The following KCNC1 variants were observed in gnomAD, a reference collection of about 807,000 sequenced individuals.
KCNC1 encodes potassium voltage-gated channel subfamily C member 1.
Under a neutral mutation model 43.4 loss-of-function variants are expected in KCNC1, and 8 were observed. That is an observed-to-expected ratio of 0.18 (90% CI 0.11 to 0.33). The LOEUF (loss-of-function observed/expected upper bound fraction) is 0.33. Ranked by LOEUF, KCNC1 falls within the 10% of genes least tolerant of loss-of-function variation. KCNC1 has a pLI of 1.00. For missense variants in KCNC1, 420 were observed against 836.0 expected (o/e 0.50, Z 6.14); for synonymous variants, 361 against 360.5 (o/e 1.00, Z -0.01).
Position 17,773,080 on chromosome 11 carries a change from G to T in KCNC1, c.1504+482G>T, listed in dbSNP as rs1565163098. ...TGGCAGAGATGGTGCATGGGATCTG[G>T]GCAGGAGGGTCCCTTGCAAAGGCAG... On this transcript the variant is annotated intron_variant, in intron 2 of 3. Transcript: ENST00000265969. This position sits in a 1 kb window ranked among gnomAD's most constrained non-coding sequence, Gnocchi z 4.1. 4.0e-6 allele frequency: 4 copies of T among 997,110 alleles called. No individual in the cohort carries two copies. The highest frequency in any genetic ancestry group is 4.8e-6 in the Non-Finnish European group (4 of 837,860). 61.8% of individuals were successfully genotyped at this position (997,110 alleles called of 1,614,324 possible).
At position 17,776,443 on chromosome 11, in the gene KCNC1, T is replaced by C. The variant is rs916391771; in HGVS notation, c.1505-3013T>C. 2.1e-5 allele frequency: 21 copies of C among 985,420 alleles called. No homozygotes were observed. The highest frequency in any genetic ancestry group is 2.4e-5 in the Non-Finnish European group (20 of 829,936). 61.0% of individuals were successfully genotyped at this position (985,420 alleles called of 1,614,324 possible). A position where few individuals can be genotyped will look rare whatever the true frequency, so the allele number is the denominator to read the frequency against. Reference sequence around the variant, plus strand: ...CGCAGCTGGTGTGAACAGTAAGTACTTTGGCGGTGCCTGGAGACCAGGGCA... The same window carrying C: ...CGCAGCTGGTGTGAACAGTAAGTACCTTGGCGGTGCCTGGAGACCAGGGCA... On this transcript the variant is annotated intron_variant, in intron 2 of 3. Coordinates refer to ENST00000265969, the MANE Select transcript of KCNC1 (RefSeq NM_001112741.2). This position sits in a 1 kb window ranked among gnomAD's most constrained non-coding sequence, Gnocchi z 4.4.
At chr11:17,746,558 C>G (rs1848902315) in intron 1 of KCNC1, among the ~76,000 whole-genome samples, 1 of 152,100 alleles carries the variant, frequency 6.6e-6, no homozygotes, top group African/African-American at 2.4e-5. Context: ...CTGTCCCCTC[C>G]TTGTCCCCTT....
At chr11:17,762,665 G>C (rs1438378088) in intron 1 of KCNC1, among the ~76,000 whole-genome samples, 1 of 152,210 alleles carries the variant, frequency 6.6e-6, no homozygotes, top group Non-Finnish European at 1.5e-5. Flanking sequence ...GGGGCCTGGA[G>C]GGCTGGAGGG....
intron 1 of KCNC1, among the ~76,000 whole-genome samples, chr11:17,756,960 A>T (rs564488368): frequency 6.6e-6 from 1 of 152,232 alleles, no homozygotes; most frequent in East Asian, 1.9e-4. Flanking sequence ...AACACTTTCC[A>T]GCTATGTGGG....
intron 1 of KCNC1, among the ~76,000 whole-genome samples, chr11:17,748,504 A>G (rs1187065427): frequency 6.6e-6 from 1 of 152,202 alleles, no homozygotes; most frequent in Non-Finnish European, 1.5e-5. Context: ...GCAATGTCCA[A>G]TATTTGAGAG....
chr11:17,748,657 C>A (rs1382486966), intron 1 of KCNC1, among the ~76,000 whole-genome samples: 2 of 152,086 alleles, frequency 1.3e-5, no homozygotes, highest in African/African-American at 2.4e-5. Flanking sequence ...AAGAAAGAGT[C>A]GAGCTACCCA....
At chr11:17,764,609 C>T (rs1220974112) in intron 1 of KCNC1, among the ~76,000 whole-genome samples, 2 of 152,214 alleles carry the variant, frequency 1.3e-5, no homozygotes, top group Non-Finnish European at 2.9e-5. Flanking sequence ...TCTGCTCACA[C>T]CCTCCACGGA....
intron 1 of KCNC1, among the ~76,000 whole-genome samples, chr11:17,744,947 G>C (rs1191842744): frequency 6.6e-5 from 10 of 152,086 alleles, no homozygotes; most frequent in Non-Finnish European, 1.3e-4. Context: ...GCTGAGTGAG[G>C]GTACATCGCT....
chr11:17,744,730 G>T (rs1156833686), intron 1 of KCNC1, among the ~76,000 whole-genome samples: 1 of 152,124 alleles, frequency 6.6e-6, no homozygotes, highest in Non-Finnish European at 1.5e-5. Context: ...CAGGGGATGG[G>T]TGCTGTGCTG....
chr11:17,773,811 T>C lies in KCNC1; in HGVS notation c.1504+1213T>C. On this transcript the variant is annotated intron_variant, in intron 2 of 3. Coordinates refer to ENST00000265969, the MANE Select transcript of KCNC1 (RefSeq NM_001112741.2). The surrounding 1 kb of genome is among the most constrained non-coding windows in gnomAD (Gnocchi z 4.1). ...ATGACCCAGAGAAGAATGACAGCAC[T>C]GAGTAAGAAGGAGTGCCAGGTGAGC... 2 of 985,506 alleles carry C rather than the reference T, an allele frequency of 2.0e-6. No homozygotes were observed. Among genetic ancestry groups the C allele is most frequent in the Non-Finnish European group, 2.4e-6 (2 of 829,970 alleles). 61.0% of individuals were successfully genotyped at this position (985,506 alleles called of 1,614,324 possible).
At chr11:17,775,097 C>T in intron 2 of KCNC1, 1 of 985,560 alleles carries the variant, frequency 1.0e-6, no homozygotes, top group Non-Finnish European at 1.2e-6. Context: ...AGGCCAGGGG[C>T]AAGGAAGGTA....
Position 17,772,153 on chromosome 11 carries a change from C to T in KCNC1, c.1059C>T (p.Ala353=), listed in dbSNP as rs370151071. The T allele has an allele frequency of 2.5e-6, 4 of 1,614,152 alleles. No homozygotes were observed. Among genetic ancestry groups the T allele is most frequent in the Non-Finnish European group, 3.4e-6 (4 of 1,180,030 alleles). Residue 353 remains alanine (A), a synonymous_variant, in exon 2 of 4, where the codon GCC becomes GCT. Transcript: ENST00000265969. ...TCCTGCTGCTCATCATCTTCCTGGC[C>T]TTGGGCGTGCTGATCTTCGCCACCA... ...NEFLLLIIFL[A]LGVLIFATMI... is the part of the protein sequence containing the mutation.
At chr11:17,743,726 C>T (rs1402964595) in intron 1 of KCNC1, among the ~76,000 whole-genome samples, 1 of 152,210 alleles carries the variant, frequency 6.6e-6, no homozygotes, top group Non-Finnish European at 1.5e-5. Context: ...CTCCCTTCCG[C>T]CAGCCTCCTC....
Position 17,773,780 on chromosome 11 carries a change from G to C in KCNC1, c.1504+1182G>C. 1 of 985,490 alleles carries C rather than the reference G, an allele frequency of 1.0e-6. No homozygotes were observed. Among genetic ancestry groups the C allele is most frequent in the Non-Finnish European group, 1.2e-6 (1 of 829,958 alleles). The allele number at this position is 985,490 out of a possible 1,614,324, so 61.0% of individuals were successfully genotyped here. A position where few individuals can be genotyped will look rare whatever the true frequency, so the allele number is the denominator to read the frequency against. ...TTCTGTGGACACAGGGATTTCAAAG[G>C]AACAGATGACCCAGAGAAGAATGAC... On this transcript the variant is annotated intron_variant, in intron 2 of 3. Coordinates refer to ENST00000265969, the MANE Select transcript of KCNC1 (RefSeq NM_001112741.2). This position sits in a 1 kb window ranked among gnomAD's most constrained non-coding sequence, Gnocchi z 4.1.
At chr11:17,750,658 A>G (rs372948918) in intron 1 of KCNC1, among the ~76,000 whole-genome samples, 10 of 152,016 alleles carry the variant, frequency 6.6e-5, no homozygotes, top group East Asian at 3.9e-4. Context: ...CTGGGCCCCA[A>G]TGTGCATCAT....
In KCNC1 at chr11:17,739,105, TC is replaced by T. The variant is rs1848804370; in HGVS notation, c.570+2535del. ...GCACAGACCAGCCGCCTGCCCGCCCTCCTCCCCCTCTGTCTTTGCTCTGCCG... is the reference window on the plus strand; with the variant it reads ...GCACAGACCAGCCGCCTGCCCGCCCTCTCCCCCTCTGTCTTTGCTCTGCCG... On this transcript the variant is annotated intron_variant, in intron 1 of 3. Coordinates refer to ENST00000265969, the MANE Select transcript of KCNC1 (RefSeq NM_001112741.2). The surrounding 1 kb of genome is among the most constrained non-coding windows in gnomAD (Gnocchi z 4.2). Among the ~76,000 whole-genome samples, 1 of 147,354 alleles carries T rather than the reference TC, an allele frequency of 6.8e-6. No homozygotes were observed. The highest frequency in any genetic ancestry group is 2.5e-5 in the African/African-American group (1 of 39,402).
At chr11:17,764,411 A>G (rs1244633678) in intron 1 of KCNC1, among the ~76,000 whole-genome samples, 1 of 152,124 alleles carries the variant, frequency 6.6e-6, no homozygotes, top group Non-Finnish European at 1.5e-5. Flanking sequence ...ATGCACACAC[A>G]TGAATCACAT....
chr11:17,774,267 G>A lies in KCNC1; in HGVS notation c.1504+1669G>A, dbSNP rs1849261830. 3 of 985,396 alleles carry A rather than the reference G, an allele frequency of 3.0e-6. No homozygotes were observed. The African/African-American group carries it at 5.2e-5, about 17-fold the overall frequency. 61.0% of individuals were successfully genotyped at this position (985,396 alleles called of 1,614,324 possible). A position where few individuals can be genotyped will look rare whatever the true frequency, so the allele number is the denominator to read the frequency against. ...CTACCAACAGGGCTCTGGGCCTCTA[G>A]GAGGAACGCGTGGGCTGGCCCAGGC... On this transcript the variant is annotated intron_variant, in intron 2 of 3. Transcript: ENST00000265969.
chr11:17,748,349 G>A (rs1232135702), intron 1 of KCNC1, among the ~76,000 whole-genome samples: 1 of 152,122 alleles, frequency 6.6e-6, no homozygotes, highest in Admixed American at 6.5e-5. Flanking sequence ...CATATCTGGG[G>A]CTGGGCTCGG....
Sources: gnomAD v4.1 joint callset for allele counts (sites outside exome capture counted in the v4.1 genomes callset) on GRCh38, gnomAD v4.1.1 for gene constraint, Gnocchi (gnomAD v3.1) non-coding constraint, MANE v1.5 for transcripts, NCBI Gene and HGNC (gene_info 2026-07-23, HGNC 2026-07-21) for gene names.